PPOX: variants seen among roughly 807,000 people sequenced by gnomAD.
PPOX encodes the protein variegate porphyria.
PPOX carries 23 observed loss-of-function variants against 54.1 expected under a neutral mutation model. The ratio of observed to expected loss-of-function variants is 0.43; its 90% CI spans 0.31 to 0.60. The LOEUF (loss-of-function observed/expected upper bound fraction) is 0.60. Ranked by LOEUF, PPOX falls within the 20% of genes least tolerant of loss-of-function variation. PPOX has a pLI of 0.13. For missense variants in PPOX, 512 were observed against 601.1 expected (o/e 0.85, Z 1.55); for synonymous variants, 224 against 236.1 (o/e 0.95, Z 0.47).
At chr1:161,174,641 C>T (rs189994840), downstream of PPOX, among the ~76,000 whole-genome samples, 41 of 152,236 alleles carry the variant, frequency 2.7e-4, no homozygotes, top group Middle Eastern at 3.4e-3. Context: ...TATTAGTTAT[C>T]TTATGCTCTT....
intron 2 of PPOX, 69 bp from the exon 3 acceptor site, chr1:161,167,029 TTC>T: frequency 6.2e-7 from 1 of 1,613,222 alleles, no homozygotes; most frequent in Non-Finnish European, 8.5e-7. Context: ...AATATGCCTC[TTC>T]CCCTCCCCTC....
chr1:161,171,881 G>A (rs764183520), downstream of PPOX: 75 of 1,614,166 alleles, frequency 4.6e-5, 2 homozygotes, highest in Middle Eastern at 1.8e-3. Context: ...GCTGGGGGCC[G>A]GCGTTGCAGC....
At chr1:161,175,164 G>A (rs762343007), downstream of PPOX, 3 of 1,613,768 alleles carry the variant, frequency 1.9e-6, no homozygotes, top group African/African-American at 1.3e-5. Context: ...GTTCTACCCG[G>A]GGATTCCGCT....
downstream of PPOX, chr1:161,172,260 C>T (rs530341614): frequency 8.1e-6 from 13 of 1,614,112 alleles, no homozygotes; most frequent in East Asian, 1.3e-4. Flanking sequence ...CTTATCTCCT[C>T]GGTGCTTCAC....
downstream of PPOX, chr1:161,174,916 AG>A (rs1662912370): frequency 1.9e-5 from 28 of 1,450,376 alleles, no homozygotes; most frequent in Non-Finnish European, 2.7e-5. Context: ...GGACCCATTT[AG>A]ATGAAAGTGA....
At chr1:161,171,877 G>T (rs775814722), downstream of PPOX, 2 of 1,614,196 alleles carry the variant, frequency 1.2e-6, no homozygotes, top group Non-Finnish European at 1.7e-6. Context: ...CCTGGCTGGG[G>T]GCCGGCGTTG....
At chr1:161,171,668 C>A (rs1209302095), downstream of PPOX, 2 of 1,150,724 alleles carry the variant, frequency 1.7e-6, no homozygotes, top group East Asian at 2.5e-5. Flanking sequence ...CAGCTCCAGT[C>A]CAGCAGTGAG....
At position 161,170,022 on chromosome 1, in the gene PPOX, C is replaced by T. The variant is rs1030387970; in HGVS notation, c.985C>T (p.Gln329Ter). 1 of 1,613,056 alleles carries T rather than the reference C, an allele frequency of 6.2e-7. No individual in the cohort carries two copies. The highest frequency in any genetic ancestry group is 8.5e-7 in the Non-Finnish European group (1 of 1,179,646). The change falls in exon 9 of 13, where the codon CAG (glutamine) becomes TAG (stop). Residue 329 changes from glutamine to a stop codon, truncating the protein, a stop_gained and splice_region_variant. Coordinates refer to ENST00000367999, the MANE Select transcript of PPOX (RefSeq NM_001122764.3). LOFTEE classifies it high-confidence loss of function. The part of the protein sequence containing the change: ...LQYQGAHLPV[Q>*]GFGHLVPSSE... ...GTACCAAGGAGCCCATCTGCCTGTC[C>T]AGGTATGATAAAGGGACGGAGAGGC...
At chr1:161,167,621 A>G in intron 4 of PPOX, 135 bp downstream of exon 4, 1 of 1,225,124 alleles carries the variant, frequency 8.2e-7, no homozygotes, top group Non-Finnish European at 1.1e-6. Context: ...ATGGAGTGCA[A>G]TGGCGCGATC....
chr1:161,174,402 C>CAAAAAAAAA (rs554703903), downstream of PPOX, among the ~76,000 whole-genome samples: 3 of 55,732 alleles, frequency 5.4e-5, no homozygotes, highest in African/African-American at 6.6e-5. Flanking sequence ...AGTGAGATCT[C>CAAAAAAAAA]AAAAAAAAAA....
At chr1:161,171,643 A>C, downstream of PPOX, 1 of 852,582 alleles carries the variant, frequency 1.2e-6, no homozygotes, top group Admixed American at 2.8e-5. Context: ...GGGACCCCTC[A>C]GGTCTACAGG....
downstream of PPOX, chr1:161,174,159 G>A (rs1360328443): frequency 2.4e-5 from 29 of 1,201,094 alleles, no homozygotes; most frequent in Non-Finnish European, 3.2e-5. Flanking sequence ...TGTAATCCCA[G>A]TACTTTGGGA....
chr1:161,176,425 T>TA, intron 4 of PPOX: 1 of 388,782 alleles, frequency 2.6e-6, no homozygotes, highest in South Asian at 2.9e-5. Flanking sequence ...AGGGAAGAGA[T>TA]AGACTCACCT....
At chr1:161,172,077 C>A, downstream of PPOX, 1 of 1,614,098 alleles carries the variant, frequency 6.2e-7, no homozygotes, top group Non-Finnish European at 8.5e-7. Context: ...GGGTACGGAC[C>A]AGGAGGTCAA....
upstream of PPOX, chr1:161,166,327 G>A: frequency 3.9e-6 from 4 of 1,033,346 alleles, no homozygotes; most frequent in Non-Finnish European, 4.7e-6. Flanking sequence ...GCCTCTGCCA[G>A]TTCAATGTTT....
At chr1:161,167,620 A>C (rs1659561680) in intron 4 of PPOX, 134 bp downstream of exon 4, 1 of 1,227,582 alleles carries the variant, frequency 8.1e-7, no homozygotes, top group Non-Finnish European at 1.1e-6. Flanking sequence ...GATGGAGTGC[A>C]ATGGCGCGAT....
chr1:161,176,834 A>AT (rs1663729850), intron 4 of PPOX: 1 of 1,532,940 alleles, frequency 6.5e-7, no homozygotes, highest in Admixed American at 2.0e-5. Context: ...TAATGGAAAC[A>AT]TTGTTTTCCC....
Position 161,166,605 on chromosome 1 carries a change from C to T in PPOX, c.-76C>T. The T allele has an allele frequency of 2.8e-6, 4 of 1,436,978 alleles. No individual in the cohort carries two copies. Among genetic ancestry groups the T allele is most frequent in the South Asian group, 1.4e-5 (1 of 68,978 alleles). The allele number at this position is 1,436,978 out of a possible 1,614,324, so 89.0% of individuals were successfully genotyped here. A position where few individuals can be genotyped will look rare whatever the true frequency, so the allele number is the denominator to read the frequency against. On this transcript the variant is annotated 5_prime_UTR_variant, in exon 1 of 13. Coordinates refer to ENST00000367999, the MANE Select transcript of PPOX (RefSeq NM_001122764.3). The stretch of plus-strand genomic sequence containing the variant: ...CCCTTATCTGCACCCAGCAGAGCGC[C>T]GGCGGGGTACGGTCTTAGGACCTCG...
At chr1:161,170,321 T>TTCCCCC in intron 9 of PPOX, 88 bp from the exon 10 acceptor site, 11 of 367,728 alleles carry the variant, frequency 3.0e-5, no homozygotes, top group Non-Finnish European at 4.3e-5. Flanking sequence ...TGAGACTCTG[T>TTCCCCC]CCCCCCCACC....
Sources: gnomAD v4.1 joint callset for allele counts (sites outside exome capture counted in the v4.1 genomes callset) on GRCh38, gnomAD v4.1.1 for gene constraint, MANE v1.5 for transcripts, NCBI Gene and HGNC (gene_info 2026-07-23, HGNC 2026-07-21) for gene names.